The following CYSLTR1 variants were observed in gnomAD, a reference collection of about 807,000 sequenced individuals.
CYSLTR1 encodes the protein G-protein coupled receptor HG55.
In CYSLTR1, 1 loss-of-function variant was observed where a neutral mutation model predicts 2.1. That is an observed-to-expected ratio of 0.48 (90% CI 0.17 to 2.28). CYSLTR1 has a LOEUF of 2.28. Ranked by LOEUF, CYSLTR1 falls within the 30% of genes most tolerant of loss-of-function variation. CYSLTR1 has a pLI of 0.26. For missense variants in CYSLTR1, 299 were observed against 250.1 expected, an observed-to-expected ratio of 1.20 and a Z score of -1.32; for synonymous variants, 110 against 89.6, an observed-to-expected ratio of 1.23 and a Z score of -1.28.
chrX:78,294,870 T>C (rs1922509336), intron 1 of CYSLTR1, among the ~76,000 whole-genome samples: 1 of 112,644 alleles, frequency 8.9e-6, no homozygotes, highest in Non-Finnish European at 1.9e-5. Flanking sequence ...GTACTGATTT[T>C]CCAGGTACAG....
rs147386972 is a variant in CYSLTR1, at chrX:78,273,272, G to A, written c.475C>T (p.Leu159=). 1 of 1,209,840 alleles carries A rather than the reference G, an allele frequency of 8.3e-7. No individual in the cohort carries two copies. The highest frequency in any genetic ancestry group is 2.2e-5 in the Admixed American group (1 of 45,777). The change falls in exon 3 of 3, where the codon CTA becomes TTA. Residue 159 remains leucine (L), a synonymous_variant. Transcript: ENST00000373304. ...TCATCTTTTTGTGGTTTGGCCATTAGAAATGGAGAACTGGTCAAAATCACA... is the reference window on the plus strand; with the variant it reads ...TCATCTTTTTGTGGTTTGGCCATTAAAAATGGAGAACTGGTCAAAATCACA... The part of the protein sequence containing the change: ...IFVILTSSPF[L]MAKPQKDEKN...
chrX:78,273,165 C>A lies in CYSLTR1; in HGVS notation c.582G>T (p.Leu194Phe), dbSNP rs1921373783. The change falls in exon 3 of 3, where the codon TTG becomes TTT. Residue 194 changes from leucine to phenylalanine, a missense_variant. Leu to Phe is a conservative substitution (Grantham distance 22, BLOSUM62 0). Transcript: ENST00000373304. ...CAAAAGGGATGATAAAGCCAACAAACAATGACACATAATGCAAGACCAAAA... is the reference window on the plus strand; with the variant it reads ...CAAAAGGGATGATAAAGCCAACAAAAAATGACACATAATGCAAGACCAAAA... ...NHVLVLHYVS[L>F]FVGFIIPFVI... 1 of 1,209,864 alleles carries A rather than the reference C, an allele frequency of 8.3e-7. No individual in the cohort carries two copies. The highest frequency in any genetic ancestry group is 1.8e-5 in the South Asian group (1 of 56,826).
intron 1 of CYSLTR1, among the ~76,000 whole-genome samples, chrX:78,314,063 G>C (rs1032599144): frequency 2.7e-5 from 3 of 111,657 alleles, no homozygotes; most frequent in Non-Finnish European, 5.6e-5. Flanking sequence ...AAAGACCAAG[G>C]TTAGCTTAAG....
intron 1 of CYSLTR1, among the ~76,000 whole-genome samples, chrX:78,318,146 C>T (rs1370593069): frequency 9.0e-6 from 1 of 111,533 alleles, no homozygotes; most frequent in Admixed American, 9.5e-5. Flanking sequence ...ACATGCCCAT[C>T]AATGGTAGAC....
intron 2 of CYSLTR1, among the ~76,000 whole-genome samples, chrX:78,280,036 C>G (rs954421778): frequency 1.8e-5 from 2 of 110,259 alleles, no homozygotes; most frequent in Non-Finnish European, 3.8e-5. Context: ...CCATTTGTAC[C>G]CTAATCCTCA....
chrX:78,274,411 C>T (rs936115122), intron 2 of CYSLTR1, among the ~76,000 whole-genome samples: 1 of 111,111 alleles, frequency 9.0e-6, no homozygotes, highest in Non-Finnish European at 1.9e-5. Context: ...ACAGAGCCCT[C>T]AGAAATAATA....
At chrX:78,322,077 G>T (rs915882268) in intron 1 of CYSLTR1, among the ~76,000 whole-genome samples, 1 of 111,356 alleles carries the variant, frequency 9.0e-6, no homozygotes, top group Non-Finnish European at 1.9e-5. Context: ...CTCTTCTGCT[G>T]CTGAGCAGTG....
intron 1 of CYSLTR1, among the ~76,000 whole-genome samples, chrX:78,284,197 A>G (rs1921957958): frequency 9.0e-6 from 1 of 111,470 alleles, no homozygotes; most frequent in Non-Finnish European, 1.9e-5. Context: ...AGTATAATAA[A>G]TCTCCAAGAG....
At position 78,304,585 on chromosome X, in the gene CYSLTR1, C is replaced by T. The variant is rs777819251; in HGVS notation, c.-114-21045G>A. Among the ~76,000 whole-genome samples the T allele has an allele frequency of 5.4e-5, 6 of 110,567 alleles. No individual in the cohort carries two copies. The South Asian group carries it at 2.4e-3, about 44-fold the overall frequency. On this transcript the variant is annotated intron_variant, in intron 1 of 2. Transcript: ENST00000373304. ...AATAATGAAGGAATTCTTAACAGGA[C>T]CCATTTAGGATTAAACAAACTTTAT...
intron 1 of CYSLTR1, chrX:78,318,878 G>A (rs897804319): frequency 9.8e-6 from 1 of 101,546 alleles, no homozygotes; most frequent in Non-Finnish European, 2.0e-5. Flanking sequence ...CTGACCCTTT[G>A]TTTCTTTTTT....
chrX:78,292,708 T>C (rs924636919), intron 1 of CYSLTR1, among the ~76,000 whole-genome samples: 6 of 111,698 alleles, frequency 5.4e-5, no homozygotes, highest in African/African-American at 2.0e-4. Flanking sequence ...AATTGATCCC[T>C]TTACCATTAT....
intron 1 of CYSLTR1, among the ~76,000 whole-genome samples, chrX:78,296,397 T>G (rs758935881): frequency 8.9e-6 from 1 of 112,125 alleles, no homozygotes; most frequent in South Asian, 3.7e-4. Context: ...TGTGTTTCCA[T>G]ATAAATTTTA....
intron 1 of CYSLTR1, among the ~76,000 whole-genome samples, chrX:78,306,772 G>T (rs1321636524): frequency 1.8e-5 from 2 of 111,360 alleles, no homozygotes; most frequent in African/African-American, 6.5e-5. Flanking sequence ...AGAAAAGACA[G>T]CAAAAGGGTA....
intron 2 of CYSLTR1, among the ~76,000 whole-genome samples, chrX:78,279,438 G>A (rs940273969): frequency 3.6e-5 from 4 of 111,625 alleles, no homozygotes; most frequent in African/African-American, 9.7e-5. Context: ...TTATTAAAAA[G>A]TAACAAAAAT....
chrX:78,325,340 T>TC (rs1481505531), intron 1 of CYSLTR1, among the ~76,000 whole-genome samples: 1 of 111,771 alleles, frequency 8.9e-6, no homozygotes, highest in Admixed American at 9.5e-5. Flanking sequence ...CCCTACTGTC[T>TC]CCCCATGCAG....
At chrX:78,295,371 T>C (rs1376696833) in intron 1 of CYSLTR1, among the ~76,000 whole-genome samples, 4 of 11,925 alleles carry the variant, frequency 3.4e-4, no homozygotes, top group Non-Finnish European at 7.9e-4. Flanking sequence ...CCTGATTTCC[T>C]TTTTTTTTTT....
intron 1 of CYSLTR1, among the ~76,000 whole-genome samples, chrX:78,288,268 T>C (rs1261938109): frequency 9.0e-6 from 1 of 111,526 alleles, no homozygotes; most frequent in East Asian, 2.8e-4. Flanking sequence ...AATAGAATTG[T>C]ATGAACAAGA....
At chrX:78,276,638 G>GTCA (rs1408360460) in intron 2 of CYSLTR1, among the ~76,000 whole-genome samples, 1 of 110,535 alleles carries the variant, frequency 9.0e-6, no homozygotes, top group African/African-American at 3.3e-5. Flanking sequence ...CATTAAAAAA[G>GTCA]TCATTATTAT....
chrX:78,316,839 G>A (rs1173492187), intron 1 of CYSLTR1, among the ~76,000 whole-genome samples: 3 of 111,781 alleles, frequency 2.7e-5, no homozygotes, highest in Admixed American at 9.5e-5. Flanking sequence ...ATCAACTCAA[G>A]ATGTATCAAA....
Sources: gnomAD v4.1 joint callset for allele counts (sites outside exome capture counted in the v4.1 genomes callset) on GRCh38, gnomAD v4.1.1 for gene constraint, MANE v1.5 for transcripts, NCBI Gene and HGNC (gene_info 2026-07-23, HGNC 2026-07-21) for gene names.